SYNE2: variants seen among roughly 807,000 people sequenced by gnomAD.
SYNE2 encodes the protein nesprin-2.
SYNE2 carries 431 observed loss-of-function variants against 856.3 expected under a neutral mutation model. The observed-to-expected ratio is 0.50, with a 90% CI of 0.47 to 0.55. SYNE2 has a LOEUF of 0.55. SYNE2 is among the 20% of genes least tolerant of loss of function. The pLI is 0.00. For synonymous variants in SYNE2, 2,923 were observed against 2,872.3 expected (o/e 1.02, Z -0.56); for missense variants, 8,129 against 8,023.2 (o/e 1.01, Z -0.50).
At chr14:63,878,765 A>G (rs1429037299) in intron 1 of SYNE2, among the ~76,000 whole-genome samples, 2 of 151,650 alleles carry the variant, frequency 1.3e-5, no homozygotes, top group Non-Finnish European at 2.9e-5. Flanking sequence ...CTGGTCTCGA[A>G]CTCTCCTGAT....
At chr14:64,158,146 C>G (rs1378168149) in intron 85 of SYNE2, among the ~76,000 whole-genome samples, 1 of 152,202 alleles carries the variant, frequency 6.6e-6, no homozygotes, top group African/African-American at 2.4e-5. Context: ...TAGTAATAAT[C>G]AGACTTAAGT....
chr14:64,215,928 G>A lies in SYNE2; in HGVS notation c.19403-320G>A, dbSNP rs79988539. On this transcript the variant is annotated intron_variant, in intron 107 of 115. Coordinates refer to ENST00000555002, the MANE Select transcript of SYNE2 (RefSeq NM_182914.3). ...TCACTCTTCCCCTCACTCCTGAGAG[G>A]CCTTCTGCCATCTTGGTCCCCAGAC... 93,969 of 1,308,406 alleles carry A rather than the reference G, an allele frequency of 0.072. 3,774 individuals are homozygous for A. Among genetic ancestry groups the A allele is most frequent in the Non-Finnish European group, 0.082 (83,724 of 1,018,998 alleles). 81.0% of individuals were successfully genotyped at this position (1,308,406 alleles called of 1,614,324 possible). A position where few individuals can be genotyped will look rare whatever the true frequency, so the allele number is the denominator to read the frequency against.
intron 45 of SYNE2, among the ~76,000 whole-genome samples, chr14:64,042,775 G>A: frequency 6.6e-6 from 1 of 151,632 alleles, no homozygotes; most frequent in East Asian, 1.9e-4. Flanking sequence ...TTTTTAAATT[G>A]CCCTGTCTTG....
chr14:64,209,024 CTA>C, intron 101 of SYNE2, 79 bp downstream of exon 101: 3 of 1,512,278 alleles, frequency 2.0e-6, no homozygotes, highest in Non-Finnish European at 2.7e-6. Context: ...TTCACAGTAA[CTA>C]TTCTGTTCAT....
At chr14:64,141,210 G>T in intron 80 of SYNE2, 131 bp from the exon 81 acceptor site, 1 of 435,418 alleles carries the variant, frequency 2.3e-6, no homozygotes. Context: ...GGAAAAAGGG[G>T]TGTGTGTGTG....
chr14:63,911,762 A>G (rs923778305), intron 2 of SYNE2, among the ~76,000 whole-genome samples: 1 of 152,214 alleles, frequency 6.6e-6, no homozygotes, highest in African/African-American at 2.4e-5. Context: ...AATCCATAGC[A>G]AGTTTTCACA....
Position 64,122,069 on chromosome 14 carries a change from G to A in SYNE2, c.13216G>A (p.Ala4406Thr). 1.9e-6 allele frequency: 3 copies of A among 1,613,984 alleles called. No homozygotes were observed. Among genetic ancestry groups the A allele is most frequent in the Non-Finnish European group, 2.5e-6 (3 of 1,179,990 alleles). The change falls in exon 69 of 116, where the codon GCT becomes ACT. Residue 4406 changes from alanine to threonine, a missense_variant. Physicochemically the swap from Ala to Thr is moderately conservative, Grantham distance 58. Transcript: ENST00000555002. ...TTTCATCAAATTCATAGAATTTAAT[G>A]CTAAGAAAATGTGGCCCCAGTATTG... Reference protein sequence around the residue: ...KDFIKFIEFNAKKMWPQYCQH... With the variant: ...KDFIKFIEFNTKKMWPQYCQH...
chr14:64,057,064 G>T (rs1303821686), intron 49 of SYNE2, among the ~76,000 whole-genome samples: 1 of 151,952 alleles, frequency 6.6e-6, no homozygotes, highest in Non-Finnish European at 1.5e-5. Flanking sequence ...CGGGTAATCA[G>T]TGTAATAATT....
rs549843956 is a variant in SYNE2, at chr14:64,130,542, A to G, written c.14340+294A>G. On this transcript the variant is annotated intron_variant, in intron 76 of 115. Transcript: ENST00000555002. ...ACAAATTTAAAATTAAAATGAGGAT[A>G]CATTCTATGAGAGCATTTAATAGCA... Among the ~76,000 whole-genome samples, 6 of 152,328 alleles carry G rather than the reference A, an allele frequency of 3.9e-5. No homozygotes were observed. In the South Asian group the frequency reaches 8.3e-4, roughly 21 times the overall value.
chr14:63,807,865 A>ATATATATATATAT (rs1267385896), intron 1 of SYNE2, among the ~76,000 whole-genome samples: 313 of 97,296 alleles, frequency 3.2e-3, no homozygotes, highest in Non-Finnish European at 4.5e-3. Context: ...ATATATATAT[A>ATATATATATATAT]ATTTCAATAG....
At chr14:63,859,459 G>A (rs748014809) in intron 1 of SYNE2, among the ~76,000 whole-genome samples, 1 of 151,740 alleles carries the variant, frequency 6.6e-6, no homozygotes, top group Non-Finnish European at 1.5e-5. Flanking sequence ...TTATTCCTCA[G>A]TACTACTTTA....
intron 1 of SYNE2, among the ~76,000 whole-genome samples, chr14:63,779,254 G>A (rs1887220110): frequency 6.6e-6 from 1 of 151,574 alleles, no homozygotes; most frequent in South Asian, 2.1e-4. Flanking sequence ...GAACCTGGGA[G>A]GCTAAGGTTG....
rs1457654215 is a variant in SYNE2, at chr14:64,052,695, C to G, written c.8782C>G (p.Gln2928Glu). ...KNLKIRTNRI[Q>E]RFIQNTCNEV... ...TCTTAAGATTAGGACCAACAGAATA[C>G]AAAGATTCATTCAGAATACATGTAA... Residue 2928 changes from glutamine (Q) to glutamate (E), a missense_variant, in exon 48 of 116, where the codon CAA becomes GAA. By Grantham distance (29) the Gln-to-Glu change is conservative. This residue lies in a region of SYNE2 where 5,410 missense variants were observed against 5,284.8 expected (regional missense o/e 1.02). Coordinates refer to ENST00000555002, the MANE Select transcript of SYNE2 (RefSeq NM_182914.3). The G allele has an allele frequency of 1.2e-6, 2 of 1,613,636 alleles. No individual in the cohort carries two copies. The highest frequency in any genetic ancestry group is 1.7e-5 in the Admixed American group (1 of 59,932).
chr14:63,988,280 A>G (rs923211687), intron 19 of SYNE2, among the ~76,000 whole-genome samples: 2 of 152,094 alleles, frequency 1.3e-5, no homozygotes, highest in African/African-American at 4.8e-5. Flanking sequence ...GTTTTGCTGT[A>G]TTGCCCAGGC....
At chr14:64,137,406 C>A (rs1027407684) in intron 78 of SYNE2, among the ~76,000 whole-genome samples, 1 of 152,160 alleles carries the variant, frequency 6.6e-6, no homozygotes, top group Admixed American at 6.5e-5. Context: ...TGCGCCACCA[C>A]ACCTAGCTAA....
At chr14:64,148,458 G>A (rs1048019320) in intron 84 of SYNE2, among the ~76,000 whole-genome samples, 6 of 152,082 alleles carry the variant, frequency 3.9e-5, no homozygotes, top group Admixed American at 2.0e-4. Context: ...ATCATCCCTC[G>A]TCAGTCCCCA....
At chr14:63,838,955 C>G (rs1455970602) in intron 1 of SYNE2, among the ~76,000 whole-genome samples, 1 of 152,114 alleles carries the variant, frequency 6.6e-6, no homozygotes, top group Non-Finnish European at 1.5e-5. Context: ...CTTCCACTTC[C>G]ACTTATGGTT....
intron 52 of SYNE2, among the ~76,000 whole-genome samples, chr14:64,073,146 C>T (rs1308960452): frequency 6.6e-6 from 1 of 152,146 alleles, no homozygotes; most frequent in African/African-American, 2.4e-5. Context: ...TGGCGATCAA[C>T]TCAACCTTCA....
intron 2 of SYNE2, among the ~76,000 whole-genome samples, chr14:63,909,942 AT>A (rs773078000): frequency 1.3e-5 from 2 of 152,240 alleles, no homozygotes; most frequent in Non-Finnish European, 2.9e-5. Flanking sequence ...TCATGTGTGC[AT>A]GTATATAAGT....
Sources: allele counts gnomAD v4.1 joint callset (sites outside exome capture counted in the v4.1 genomes callset), GRCh38; gene constraint gnomAD v4.1.1; regional missense constraint gnomAD v4.1.1; transcripts MANE v1.5; gene names NCBI Gene and HGNC (gene_info 2026-07-23, HGNC 2026-07-21).